The following RTN1 variants were observed in gnomAD, a reference collection of about 807,000 sequenced individuals.
RTN1 encodes reticulon-1.
Under a neutral mutation model 65.5 loss-of-function variants are expected in RTN1, and 25 were observed. The observed-to-expected ratio is 0.38, with a 90% confidence interval of 0.28 to 0.53. RTN1 has a LOEUF of 0.53. Ranked by LOEUF, RTN1 falls within the 20% of genes least tolerant of loss-of-function variation. The pLI, the probability that RTN1 is intolerant of heterozygous loss-of-function variation, is 0.79. For missense variants in RTN1, 983 were observed against 1,025.4 expected (o/e 0.96, Z 0.57); for synonymous variants, 471 against 447.6 (o/e 1.05, Z -0.66).
At chr14:59,820,947 G>A (rs929018426) in intron 1 of RTN1, among the ~76,000 whole-genome samples, 2 of 152,298 alleles carry the variant, frequency 1.3e-5, no homozygotes, top group Middle Eastern at 3.4e-3. Context: ...GTAGTGGGAT[G>A]CCTCTGGCTT....
chr14:59,717,728 C>T (rs1028547860), intron 3 of RTN1, among the ~76,000 whole-genome samples: 1 of 152,156 alleles, frequency 6.6e-6, no homozygotes, highest in Non-Finnish European at 1.5e-5. Context: ...AAACAGTATA[C>T]ATTTCACTTT....
intron 3 of RTN1, among the ~76,000 whole-genome samples, chr14:59,636,378 G>A (rs10142978): frequency 0.066 from 10,008 of 152,034 alleles, 1,087 homozygotes; most frequent in African/African-American, 0.23. Flanking sequence ...CTCCACTCTC[G>A]CCATGTGATG....
In RTN1 at chr14:59,603,114, C is replaced by A; in HGVS notation, c.2239G>T (p.Asp747Tyr). The A allele has an allele frequency of 6.2e-7, 1 of 1,612,766 alleles. No individual in the cohort carries two copies. Among genetic ancestry groups the A allele is most frequent in the South Asian group, 1.1e-5 (1 of 90,808 alleles). ...GTCCTCACAAGTCCCAGATATTGGTCAATCTGTGCCTACATAAAGAAAAAA... is the reference window on the plus strand; with the variant it reads ...GTCCTCACAAGTCCCAGATATTGGTAAATCTGTGCCTACATAAAGAAAAAA... ...VVYVKHQAQIDQYLGLVRTHI... is the reference protein window; with the variant it reads ...VVYVKHQAQIYQYLGLVRTHI... The change falls in exon 8 of 9, where the codon GAC becomes TAC. Residue 747 changes from aspartate (D) to tyrosine (Y), a missense_variant. Physicochemically the swap from Asp to Tyr is radical, Grantham distance 160. This residue lies in a region of RTN1 where 165 missense variants were observed against 223.6 expected (regional missense o/e 0.74). Coordinates refer to ENST00000267484, the MANE Select transcript of RTN1 (RefSeq NM_021136.3).
intron 3 of RTN1, among the ~76,000 whole-genome samples, chr14:59,638,453 G>GATTTA (rs1882712104): frequency 6.6e-6 from 1 of 152,148 alleles, no homozygotes; most frequent in Admixed American, 6.5e-5. Context: ...GAGTAGAGTA[G>GATTTA]ATTTAACATA....
chr14:59,689,551 G>A (rs1432321496), intron 3 of RTN1, among the ~76,000 whole-genome samples: 1 of 152,130 alleles, frequency 6.6e-6, no homozygotes, highest in Non-Finnish European at 1.5e-5. Context: ...CTTAAAGCCA[G>A]CTGGAAAAAA....
At chr14:59,789,278 A>C (rs1200879859) in intron 1 of RTN1, among the ~76,000 whole-genome samples, 1 of 152,050 alleles carries the variant, frequency 6.6e-6, no homozygotes, top group African/African-American at 2.4e-5. Flanking sequence ...GCTAATAAAA[A>C]TAGATGGCAT....
chr14:59,754,054 C>T (rs1286460259), intron 1 of RTN1, among the ~76,000 whole-genome samples: 2 of 152,092 alleles, frequency 1.3e-5, no homozygotes, highest in Non-Finnish European at 2.9e-5. Context: ...TTTAAAATGG[C>T]ATTGATTTTC....
intron 3 of RTN1, among the ~76,000 whole-genome samples, chr14:59,723,374 A>G (rs1308291308): frequency 6.6e-6 from 1 of 151,992 alleles, no homozygotes; most frequent in Non-Finnish European, 1.5e-5. Context: ...TGGGAGGCCA[A>G]GGTGGGTGGA....
chr14:59,627,830 G>C (rs1413238768), intron 3 of RTN1, among the ~76,000 whole-genome samples: 1 of 152,156 alleles, frequency 6.6e-6, no homozygotes, highest in Admixed American at 6.5e-5. Context: ...TCTCCATGTA[G>C]TATTTAATAA....
chr14:59,713,686 TCC>T (rs1157411702), intron 3 of RTN1, among the ~76,000 whole-genome samples: 1 of 152,236 alleles, frequency 6.6e-6, no homozygotes, highest in East Asian at 1.9e-4. Context: ...ACTTCAGTTT[TCC>T]TAGGTGTCTC....
intron 3 of RTN1, among the ~76,000 whole-genome samples, chr14:59,724,176 A>T (rs1347768050): frequency 6.6e-6 from 1 of 152,176 alleles, no homozygotes; most frequent in Non-Finnish European, 1.5e-5. Context: ...CAAGGAGGAA[A>T]ACTGAAGCAT....
chr14:59,630,972 C>T (rs1882540805), intron 3 of RTN1, among the ~76,000 whole-genome samples: 1 of 152,098 alleles, frequency 6.6e-6, no homozygotes, highest in African/African-American at 2.4e-5. Flanking sequence ...TCTGAGAAAC[C>T]CAAGAAACCT....
chr14:59,692,846 G>A (rs1883989333), intron 3 of RTN1, among the ~76,000 whole-genome samples: 1 of 152,102 alleles, frequency 6.6e-6, no homozygotes, highest in Non-Finnish European at 1.5e-5. Context: ...AATAAGCAAT[G>A]GAAAAAGGAC....
chr14:59,667,317 A>G (rs1228455806), intron 3 of RTN1, among the ~76,000 whole-genome samples: 1 of 152,214 alleles, frequency 6.6e-6, no homozygotes, highest in Non-Finnish European at 1.5e-5. Context: ...ATGCAAATCA[A>G]TAAATGTAAT....
chr14:59,822,109 G>T (rs573219334), intron 1 of RTN1, among the ~76,000 whole-genome samples: 59 of 152,264 alleles, frequency 3.9e-4, no homozygotes, highest in African/African-American at 1.3e-3. Context: ...TTGTATGTCT[G>T]GTAGAATTTG....
chr14:59,685,026 T>C (rs914018737), intron 3 of RTN1, among the ~76,000 whole-genome samples: 1 of 152,172 alleles, frequency 6.6e-6, no homozygotes, highest in Non-Finnish European at 1.5e-5. Flanking sequence ...GTTCAACATA[T>C]GCAAATCAAT....
At chr14:59,859,489 C>G (rs1179358086) in intron 1 of RTN1, among the ~76,000 whole-genome samples, 2 of 152,148 alleles carry the variant, frequency 1.3e-5, no homozygotes, top group South Asian at 2.1e-4. Flanking sequence ...ATGTCTTTAT[C>G]AGCATTATGA....
intron 1 of RTN1, among the ~76,000 whole-genome samples, chr14:59,830,012 A>C (rs1887098366): frequency 6.6e-6 from 1 of 152,208 alleles, no homozygotes; most frequent in South Asian, 2.1e-4. Context: ...GTCTTGTGTG[A>C]CTTTCTTGTA....
At chr14:59,625,924 G>GA (rs941729982) in intron 3 of RTN1, among the ~76,000 whole-genome samples, 3 of 151,716 alleles carry the variant, frequency 2.0e-5, no homozygotes, top group African/African-American at 7.3e-5. Flanking sequence ...CACTAAGGGG[G>GA]AAAAAAAATC....
Sources: allele counts gnomAD v4.1 joint callset (sites outside exome capture counted in the v4.1 genomes callset), GRCh38; gene constraint gnomAD v4.1.1; regional missense constraint gnomAD v4.1.1; transcripts MANE v1.5; gene names NCBI Gene and HGNC (gene_info 2026-07-23, HGNC 2026-07-21).